WDFY1: variants seen among roughly 807,000 people sequenced by gnomAD.
WDFY1 encodes the protein WD repeat and FYVE domain-containing protein 1.
A neutral mutation model predicts 56.4 loss-of-function variants in WDFY1; 32 were observed. The ratio of observed to expected loss-of-function variants is 0.57; its 90% CI spans 0.43 to 0.76. WDFY1 has a LOEUF of 0.76. Ranked by LOEUF, WDFY1 falls within the 30% of genes least tolerant of loss-of-function variation. The probability of loss-of-function intolerance (pLI) is 0.00; values close to 1 mark genes in which losing one functional copy is unlikely to be tolerated. For synonymous variants in WDFY1, 192 were observed against 197.3 expected (o/e 0.97, Z 0.23); for missense variants, 480 against 545.7 (o/e 0.88, Z 1.20).
intron 3 of WDFY1, among the ~76,000 whole-genome samples, chr2:223,906,955 CATTATT>C (rs60121017): frequency 3.0e-5 from 2 of 65,848 alleles, no homozygotes; most frequent in African/African-American, 9.5e-5. Context: ...TTACTACTAC[CATTATT>C]ATTATTATTA....
intron 2 of WDFY1, among the ~76,000 whole-genome samples, chr2:223,914,057 C>T (rs1210702440): frequency 2.5e-5 from 3 of 120,388 alleles, no homozygotes; most frequent in African/African-American, 6.3e-5. Context: ...AGTGCAGTGG[C>T]GCAATCTCAG....
intron 1 of WDFY1, among the ~76,000 whole-genome samples, chr2:223,931,524 G>C (rs1210506181): frequency 6.6e-6 from 1 of 152,022 alleles, no homozygotes; most frequent in Non-Finnish European, 1.5e-5. Flanking sequence ...TAAAAATAAG[G>C]TTAAAATACA....
At chr2:223,917,716 G>C (rs1037714647) in intron 2 of WDFY1, among the ~76,000 whole-genome samples, 1 of 152,050 alleles carries the variant, frequency 6.6e-6, no homozygotes, top group Non-Finnish European at 1.5e-5. Flanking sequence ...GGGATTACAG[G>C]CGCACACCAC....
rs1291949268 is a variant in WDFY1, at chr2:223,907,225, C to G, written c.280-1224G>C. On this transcript the variant is annotated intron_variant, in intron 3 of 11. Coordinates refer to ENST00000233055, the MANE Select transcript of WDFY1 (RefSeq NM_020830.5). ...CTCACAGCCTCAAGTGATCCACCCC[C>G]CTTGGCCTCCCAAAGTGCTGGGATT... Among the ~76,000 whole-genome samples the G allele has an allele frequency of 4.6e-5, 7 of 152,182 alleles. No individual in the cohort carries two copies. The South Asian group carries it at 1.0e-3, about 23-fold the overall frequency.
At chr2:223,940,977 C>G (rs887244231) in intron 1 of WDFY1, among the ~76,000 whole-genome samples, 2 of 152,200 alleles carry the variant, frequency 1.3e-5, no homozygotes, top group Admixed American at 6.5e-5. Flanking sequence ...CATGTGCCAC[C>G]ACGCCCAGCT....
chr2:223,927,476 T>G (rs1164531818), intron 1 of WDFY1, among the ~76,000 whole-genome samples: 1 of 152,218 alleles, frequency 6.6e-6, no homozygotes, highest in Non-Finnish European at 1.5e-5. Flanking sequence ...TCTGCTAGCT[T>G]CAAACTTTTC....
intron 1 of WDFY1, among the ~76,000 whole-genome samples, chr2:223,944,473 G>A (rs1325445388): frequency 6.6e-6 from 1 of 152,086 alleles, no homozygotes; most frequent in Non-Finnish European, 1.5e-5. Flanking sequence ...CACTGGAACA[G>A]GGGTCCCCGG....
chr2:223,903,640 C>CAT (rs1206883616), intron 4 of WDFY1, among the ~76,000 whole-genome samples: 3 of 64,296 alleles, frequency 4.7e-5, no homozygotes, highest in African/African-American at 1.0e-4. Context: ...CACACACACA[C>CAT]GTTTTTTGTT....
chr2:223,912,320 C>A lies in WDFY1; in HGVS notation c.212G>T (p.Cys71Phe). 6.2e-7 allele frequency: 1 copy of A among 1,602,112 alleles called. No individual in the cohort carries two copies. The highest frequency in any genetic ancestry group is 8.5e-7 in the Non-Finnish European group (1 of 1,176,918). The stretch of plus-strand genomic sequence containing the variant: ...GTCATGATGGTAAGCCATAGCAGAG[C>A]AAGGAGCTGCCAGAAAGACAAAGAC... ...PSIYHTMASP[C>F]SAMAYHHDSR... The change falls in exon 3 of 12, where the codon TGC (cysteine) becomes TTC (phenylalanine). Residue 71 changes from cysteine (C) to phenylalanine (F), a missense_variant. Cys to Phe is a radical substitution (Grantham distance 205, BLOSUM62 -2). Coordinates refer to ENST00000233055, the MANE Select transcript of WDFY1 (RefSeq NM_020830.5).
chr2:223,895,358 G>A (rs752103909), intron 7 of WDFY1, 146 bp downstream of exon 7: 279 of 1,171,116 alleles, frequency 2.4e-4, no homozygotes, highest in Non-Finnish European at 3.0e-4. Flanking sequence ...CTGACAGAAA[G>A]CAGTTAAAAG....
intron 2 of WDFY1, among the ~76,000 whole-genome samples, chr2:223,913,884 T>A (rs1364999054): frequency 6.6e-6 from 1 of 151,936 alleles, no homozygotes; most frequent in African/African-American, 2.4e-5. Flanking sequence ...ATATCCTGGC[T>A]CTCTCCCTAG....
intron 1 of WDFY1, among the ~76,000 whole-genome samples, chr2:223,935,628 C>A (rs1170201191): frequency 6.6e-6 from 1 of 152,212 alleles, no homozygotes; most frequent in Non-Finnish European, 1.5e-5. Flanking sequence ...ATGGTTAAGT[C>A]TGTATCATTC....
chr2:223,880,336 G>T, intron 10 of WDFY1, 104 bp from the exon 11 acceptor site: 1 of 974,560 alleles, frequency 1.0e-6, no homozygotes, highest in East Asian at 2.5e-5. Context: ...GCCAGGTGCA[G>T]TGGCTCATGT....
rs553738097 is a variant in WDFY1, at chr2:223,905,875, A to G, written c.334+72T>C. 11 of 1,093,734 alleles carry G rather than the reference A, an allele frequency of 1.0e-5. No homozygotes were observed. In the South Asian group the frequency reaches 2.3e-4, roughly 23 times the overall value. 67.8% of individuals were successfully genotyped at this position (1,093,734 alleles called of 1,614,324 possible). A position where few individuals can be genotyped will look rare whatever the true frequency, so the allele number is the denominator to read the frequency against. ...TTAATGTGAAAATCTAATTTTCATC[A>G]TAAGAGATGATGTTCTAGTTTTGTG... On this transcript the variant is annotated intron_variant, in intron 4 of 11. Coordinates refer to ENST00000233055, the MANE Select transcript of WDFY1 (RefSeq NM_020830.5).
chr2:223,889,065 G>A (rs183176466), intron 8 of WDFY1, among the ~76,000 whole-genome samples: 11 of 151,796 alleles, frequency 7.2e-5, no homozygotes, highest in South Asian at 4.2e-4. Context: ...CACCATGCCT[G>A]GCTATTTTTT....
At chr2:223,918,483 T>A (rs1693831473) in intron 1 of WDFY1, among the ~76,000 whole-genome samples, 1 of 152,036 alleles carries the variant, frequency 6.6e-6, no homozygotes, top group East Asian at 1.9e-4. Context: ...AAAAAACATT[T>A]AACTGGGCAT....
chr2:223,912,333 G>C lies in WDFY1; in HGVS notation c.206-7C>G. On this transcript the variant is annotated splice_region_variant and splice_polypyrimidine_tract_variant and intron_variant, in intron 2 of 11. Transcript: ENST00000233055. ...GCCATAGCAGAGCAAGGAGCTGCCA[G>C]AAAGACAAAGACCACATTACCAGCA... The C allele has an allele frequency of 1.9e-6, 3 of 1,595,590 alleles. No homozygotes were observed. The highest frequency in any genetic ancestry group is 2.6e-6 in the Non-Finnish European group (3 of 1,175,190).
chr2:223,900,433 T>G (rs748953060), intron 5 of WDFY1, among the ~76,000 whole-genome samples: 1 of 152,212 alleles, frequency 6.6e-6, no homozygotes, highest in South Asian at 2.1e-4. Context: ...GAGAAACTAC[T>G]GCGGGGTGTC....
intron 1 of WDFY1, among the ~76,000 whole-genome samples, chr2:223,939,625 A>G (rs1434658024): frequency 6.6e-6 from 1 of 152,194 alleles, no homozygotes; most frequent in Non-Finnish European, 1.5e-5. Context: ...AACCAAGCCA[A>G]AGGGGTTTTC....
Sources: gnomAD v4.1 joint callset for allele counts (sites outside exome capture counted in the v4.1 genomes callset) on GRCh38, gnomAD v4.1.1 for gene constraint, MANE v1.5 for transcripts, NCBI Gene and HGNC (gene_info 2026-07-23, HGNC 2026-07-21) for gene names.